Variants in NAALADL2 observed in about 807,000 individuals in gnomAD.
NAALADL2 encodes the protein inactive N-acetylated-alpha-linked acidic dipeptidase-like protein 2.
In NAALADL2, 76 loss-of-function variants were observed where a neutral mutation model predicts 87.2. The observed-to-expected ratio is 0.87, with a 90% CI of 0.72 to 1.05. The LOEUF (loss-of-function observed/expected upper bound fraction) is 1.05, where lower values mean the gene tolerates loss of function less well. Ranked by LOEUF, NAALADL2 falls within the 50% of genes least tolerant of loss-of-function variation. The probability of loss-of-function intolerance (pLI) is 0.00; values close to 1 mark genes in which losing one functional copy is unlikely to be tolerated. For missense variants in NAALADL2, 1,089 were observed against 945.8 expected, an observed-to-expected ratio of 1.15 and a Z score of -1.99; for synonymous variants, 354 against 331.0, an observed-to-expected ratio of 1.07 and a Z score of -0.75.
chr3:175,508,900 G>A (rs993210209), intron 9 of NAALADL2, among the ~76,000 whole-genome samples: 4 of 152,110 alleles, frequency 2.6e-5, no homozygotes, highest in East Asian at 1.9e-4. Flanking sequence ...TAGATCACCC[G>A]AGGTCAGGAG....
intron 2 of NAALADL2, among the ~76,000 whole-genome samples, chr3:175,125,013 G>C (rs995269326): frequency 6.6e-6 from 1 of 151,840 alleles, no homozygotes; most frequent in Admixed American, 6.6e-5. Flanking sequence ...ATAGGGAGAA[G>C]TAGATCGTAT....
At chr3:174,478,169 AACTT>A (rs1239843706) in intron 1 of NAALADL2, among the ~76,000 whole-genome samples, 3 of 152,280 alleles carry the variant, frequency 2.0e-5, no homozygotes, top group African/African-American at 4.8e-5. Flanking sequence ...TGTTTTTAGA[AACTT>A]ACGACTGATT....
intron 13 of NAALADL2, among the ~76,000 whole-genome samples, chr3:175,788,308 T>G (rs1283764671): frequency 6.6e-6 from 1 of 151,994 alleles, no homozygotes; most frequent in Non-Finnish European, 1.5e-5. Context: ...CCCAGGCTGG[T>G]CTGGAACTCC....
rs115971783 is a variant in NAALADL2, at chr3:175,593,917, T to C, written c.1800+17730T>C. On this transcript the variant is annotated intron_variant, in intron 10 of 13. Coordinates refer to ENST00000454872, the MANE Select transcript of NAALADL2 (RefSeq NM_207015.3). ...GTGACAAAGAGTAAGATACCACCTT[T>C]ATGTGGACTGCAGAGGATTGTTATT... is the stretch of plus-strand genomic sequence containing the variant. Among the ~76,000 whole-genome samples, 249 of 152,230 alleles carry C rather than the reference T, an allele frequency of 1.6e-3. 2 individuals carry two copies. The highest frequency in any genetic ancestry group is 5.7e-3 in the African/African-American group (235 of 41,544).
intron 9 of NAALADL2, among the ~76,000 whole-genome samples, chr3:175,512,828 C>T (rs1038558163): frequency 6.6e-6 from 1 of 152,146 alleles, no homozygotes; most frequent in African/African-American, 2.4e-5. Flanking sequence ...GAAAGGCGGC[C>T]AGCAGAAGCA....
chr3:174,557,321 A>G (rs1712957996), intron 2 of NAALADL2, among the ~76,000 whole-genome samples: 1 of 152,206 alleles, frequency 6.6e-6, no homozygotes, highest in Non-Finnish European at 1.5e-5. Flanking sequence ...ATTATATAGC[A>G]CTGTGAACAT....
At chr3:175,707,953 A>T (rs1739961657) in intron 11 of NAALADL2, among the ~76,000 whole-genome samples, 2 of 152,054 alleles carry the variant, frequency 1.3e-5, no homozygotes, top group South Asian at 4.1e-4. Flanking sequence ...CCTGGAAAAC[A>T]GTGGTGTCAA....
chr3:174,557,671 C>A (rs751453165), intron 2 of NAALADL2, among the ~76,000 whole-genome samples: 6 of 151,652 alleles, frequency 4.0e-5, no homozygotes, highest in Non-Finnish European at 7.4e-5. Context: ...ATGAGGTAGT[C>A]GTCTGGAGGA....
chr3:175,557,330 T>C (rs1369670314), intron 9 of NAALADL2, among the ~76,000 whole-genome samples: 1 of 152,236 alleles, frequency 6.6e-6, no homozygotes, highest in African/African-American at 2.4e-5. Flanking sequence ...AAGCATGAAG[T>C]GTGTAATAAT....
chr3:174,925,034 G>C (rs1385326963), intron 1 of NAALADL2, among the ~76,000 whole-genome samples: 2 of 152,138 alleles, frequency 1.3e-5, no homozygotes, highest in Non-Finnish European at 2.9e-5. Context: ...TGCTCACTCT[G>C]ATGGTAGTTT....
At chr3:175,510,119 G>A (rs570241788) in intron 9 of NAALADL2, among the ~76,000 whole-genome samples, 140 of 151,070 alleles carry the variant, frequency 9.3e-4, no homozygotes, top group Non-Finnish European at 1.6e-3. Flanking sequence ...TTTTTCTTGC[G>A]ATAGTTTACT....
chr3:175,055,421 A>G (rs1711927001), intron 1 of NAALADL2, among the ~76,000 whole-genome samples: 1 of 152,214 alleles, frequency 6.6e-6, no homozygotes, highest in Non-Finnish European at 1.5e-5. Flanking sequence ...AAGGGTCCAC[A>G]GACTCCTGTT....
At chr3:174,790,153 T>C (rs1352444799) in intron 3 of NAALADL2, among the ~76,000 whole-genome samples, 1 of 152,174 alleles carries the variant, frequency 6.6e-6, no homozygotes, top group Non-Finnish European at 1.5e-5. Flanking sequence ...CCATAGACAC[T>C]TGGTCTCCCA....
chr3:175,538,122 TCAGTGA>T (rs1711596269), intron 9 of NAALADL2, among the ~76,000 whole-genome samples: 2 of 152,172 alleles, frequency 1.3e-5, no homozygotes, highest in Non-Finnish European at 2.9e-5. Context: ...CTAAGTAATA[TCAGTGA>T]CAGTAGTCCA....
At chr3:174,662,041 C>G (rs568664393) in intron 2 of NAALADL2, among the ~76,000 whole-genome samples, 1 of 152,228 alleles carries the variant, frequency 6.6e-6, no homozygotes, top group Admixed American at 6.5e-5. Context: ...ATAGCTCATC[C>G]TCAGAGATAG....
intron 5 of NAALADL2, among the ~76,000 whole-genome samples, chr3:175,404,563 A>G (rs1711957406): frequency 6.6e-6 from 1 of 152,192 alleles, no homozygotes; most frequent in Non-Finnish European, 1.5e-5. Context: ...GACATTACAC[A>G]TGATCTACTG....
intron 1 of NAALADL2, among the ~76,000 whole-genome samples, chr3:175,006,417 G>A (rs563679402): frequency 6.6e-6 from 1 of 152,194 alleles, no homozygotes; most frequent in South Asian, 2.1e-4. Context: ...CAGATGTGCA[G>A]TAAATACTCT....
chr3:175,236,088 G>T (rs1486794542), intron 3 of NAALADL2, among the ~76,000 whole-genome samples: 1 of 152,112 alleles, frequency 6.6e-6, no homozygotes, highest in Non-Finnish European at 1.5e-5. Context: ...GCATGTATTT[G>T]TTGGTCTTAC....
At chr3:175,381,062 G>A (rs979071899) in intron 5 of NAALADL2, among the ~76,000 whole-genome samples, 1 of 151,766 alleles carries the variant, frequency 6.6e-6, no homozygotes, top group South Asian at 2.1e-4. Flanking sequence ...GTTTTATAAT[G>A]AACAACCTGA....
Sources: allele counts gnomAD v4.1 joint callset (sites outside exome capture counted in the v4.1 genomes callset), GRCh38; gene constraint gnomAD v4.1.1; transcripts MANE v1.5; gene names NCBI Gene and HGNC (gene_info 2026-07-23, HGNC 2026-07-21).